Variants in RAD51B observed in about 807,000 individuals in gnomAD.
RAD51B encodes the protein DNA repair protein RAD51 homolog 2.
Under a neutral mutation model 42.2 loss-of-function variants are expected in RAD51B, and 38 were observed. The ratio of observed to expected loss-of-function variants is 0.90; its 90% CI spans 0.70 to 1.18. RAD51B has a LOEUF of 1.18. RAD51B is among the 50% of genes most tolerant of loss of function. The pLI is 0.00. For synonymous variants in RAD51B, 154 were observed against 145.2 expected (o/e 1.06, Z -0.43); for missense variants, 373 against 400.7 (o/e 0.93, Z 0.59).
In RAD51B at chr14:68,339,517, T is replaced by G. The variant is rs932145020; in HGVS notation, c.853+47537T>G. 20 of 414,172 alleles carry G rather than the reference T, an allele frequency of 4.8e-5. No homozygotes were observed. The East Asian group carries it at 5.1e-4, about 11-fold the overall frequency. The allele number at this position is 414,172 out of a possible 1,614,324, so 25.7% of individuals were successfully genotyped here. Reference sequence around the variant, plus strand: ...GCCATTTTTTCTCCTTGGCTTTCTTTCCTTTCAGCATCTTGGGTGGCGGGA... The same window carrying G: ...GCCATTTTTTCTCCTTGGCTTTCTTGCCTTTCAGCATCTTGGGTGGCGGGA... On this transcript the variant is annotated intron_variant, in intron 8 of 10. Coordinates refer to ENST00000471583, the MANE Select transcript of RAD51B (RefSeq NM_133510.4).
At chr14:68,469,752 G>A (rs143489258) in intron 10 of RAD51B, among the ~76,000 whole-genome samples, 335 of 152,310 alleles carry the variant, frequency 2.2e-3, no homozygotes, top group Non-Finnish European at 3.8e-3. Flanking sequence ...AGCAAATTTC[G>A]TTGAAGATTT....
At chr14:68,137,054 TC>T (rs1479575163) in intron 7 of RAD51B, among the ~76,000 whole-genome samples, 1 of 151,930 alleles carries the variant, frequency 6.6e-6, no homozygotes, top group Non-Finnish European at 1.5e-5. Context: ...GGAGGGTAGA[TC>T]ACTTAAGGTC....
intron 7 of RAD51B, chr14:68,113,860 C>A (rs1348117047): frequency 1.3e-5 from 2 of 152,008 alleles, no homozygotes; most frequent in African/African-American, 4.8e-5. Context: ...AGGTTTCTCT[C>A]CTGTATGAAT....
At chr14:68,574,358 G>A (rs1318179400) in intron 10 of RAD51B, among the ~76,000 whole-genome samples, 1 of 152,164 alleles carries the variant, frequency 6.6e-6, no homozygotes, top group African/African-American at 2.4e-5. Context: ...AAAGTGCTAG[G>A]ATTACAGGTG....
intron 1 of RAD51B, among the ~76,000 whole-genome samples, chr14:67,821,598 C>T (rs941751074): frequency 7.9e-5 from 12 of 152,106 alleles, no homozygotes; most frequent in African/African-American, 2.9e-4. Flanking sequence ...GCTAGGACTA[C>T]TACAGGTGTG....
At chr14:68,063,652 C>T (rs4899232) in intron 7 of RAD51B, among the ~76,000 whole-genome samples, 40,004 of 152,068 alleles carry the variant, frequency 0.26, 6,901 homozygotes, top group African/African-American at 0.49. Context: ...AGGAGAATCA[C>T]TTGAACCCAG....
chr14:68,596,421 G>A (rs116666537), downstream of RAD51B, among the ~76,000 whole-genome samples: 1,186 of 152,220 alleles, frequency 7.8e-3, 10 homozygotes, highest in African/African-American at 0.027. Context: ...AGCACCCTAC[G>A]CTCAGAGTTT....
At chr14:68,476,644 C>G (rs1486155083) in intron 10 of RAD51B, among the ~76,000 whole-genome samples, 2 of 152,194 alleles carry the variant, frequency 1.3e-5, no homozygotes, top group Admixed American at 1.3e-4. Context: ...TATGCAACCT[C>G]AGGTTATTCA....
chr14:68,153,178 A>G (rs2078427159), intron 7 of RAD51B, among the ~76,000 whole-genome samples: 1 of 152,222 alleles, frequency 6.6e-6, no homozygotes, highest in South Asian at 2.1e-4. Context: ...GTATAGTATA[A>G]GAACCTTAAC....
chr14:68,156,518 G>C (rs1485777181), intron 7 of RAD51B, among the ~76,000 whole-genome samples: 3 of 128,398 alleles, frequency 2.3e-5, no homozygotes, highest in Non-Finnish European at 4.8e-5. Context: ...ACTGACAGTA[G>C]CATATCTTGC....
At chr14:68,659,108 G>A (rs1010282028) in intron 11 of RAD51B, among the ~76,000 whole-genome samples, 1 of 152,224 alleles carries the variant, frequency 6.6e-6, no homozygotes, top group Admixed American at 6.5e-5. Context: ...AGTGGACAGC[G>A]CTGGGGGAAA....
chr14:68,630,570 G>A (rs1892203523), intron 10 of RAD51B, among the ~76,000 whole-genome samples: 1 of 152,182 alleles, frequency 6.6e-6, no homozygotes, highest in East Asian at 1.9e-4. Flanking sequence ...TGCGATACTA[G>A]CTGCTTGGAG....
At chr14:67,965,501 CTGGTT>C (rs2074755123) in intron 7 of RAD51B, among the ~76,000 whole-genome samples, 1 of 152,160 alleles carries the variant, frequency 6.6e-6, no homozygotes, top group African/African-American at 2.4e-5. Flanking sequence ...ATATCACTCT[CTGGTT>C]TAAAAACCTT....
At chr14:68,067,478 A>AAAC (rs2076671762) in intron 7 of RAD51B, among the ~76,000 whole-genome samples, 2 of 124,082 alleles carry the variant, frequency 1.6e-5, no homozygotes, top group African/African-American at 7.1e-5. Context: ...AAAAAAAAAC[A>AAAC]AAAAAAAAAA....
chr14:68,204,747 A>G (rs2079552958), intron 7 of RAD51B, among the ~76,000 whole-genome samples: 1 of 152,246 alleles, frequency 6.6e-6, no homozygotes, highest in African/African-American at 2.4e-5. Context: ...GTAAGAGATG[A>G]GTACAAGTAT....
chr14:68,546,994 T>C (rs1888269741), intron 10 of RAD51B, among the ~76,000 whole-genome samples: 1 of 152,268 alleles, frequency 6.6e-6, no homozygotes, highest in Admixed American at 6.5e-5. Context: ...AGTCATGTGC[T>C]GAATGGTCTG....
At chr14:68,104,973 A>G (rs886804507) in intron 7 of RAD51B, among the ~76,000 whole-genome samples, 2 of 152,144 alleles carry the variant, frequency 1.3e-5, no homozygotes, top group Non-Finnish European at 2.9e-5. Flanking sequence ...ACAGATGTAA[A>G]TAGGCTGTTA....
chr14:68,678,962 C>T (rs1893369334), intron 11 of RAD51B, among the ~76,000 whole-genome samples: 1 of 152,168 alleles, frequency 6.6e-6, no homozygotes, highest in African/African-American at 2.4e-5. Flanking sequence ...TTCTGACCCA[C>T]CTCTTCCCTT....
At chr14:68,636,405 A>C (rs1347474538) in intron 10 of RAD51B, among the ~76,000 whole-genome samples, 1 of 152,098 alleles carries the variant, frequency 6.6e-6, no homozygotes, top group Non-Finnish European at 1.5e-5. Context: ...CAACATGGTG[A>C]AACCACGTCT....
Sources: allele counts gnomAD v4.1 joint callset (sites outside exome capture counted in the v4.1 genomes callset), GRCh38; gene constraint gnomAD v4.1.1; transcripts MANE v1.5; gene names NCBI Gene and HGNC (gene_info 2026-07-23, HGNC 2026-07-21).